CDC42BPA: variants seen among roughly 807,000 people sequenced by gnomAD.
CDC42BPA encodes CDC42 binding protein kinase alpha.
In CDC42BPA, 80 loss-of-function variants were observed where a neutral mutation model predicts 223.5. That is an observed-to-expected ratio of 0.36 (90% CI 0.30 to 0.43). The LOEUF (loss-of-function observed/expected upper bound fraction) is 0.43, where lower values mean the gene tolerates loss of function less well. Ranked by LOEUF, CDC42BPA falls within the 20% of genes least tolerant of loss-of-function variation. The pLI is 1.00. For synonymous variants in CDC42BPA, 694 were observed against 718.6 expected (o/e 0.97, Z 0.55); for missense variants, 1,743 against 2,099.9 (o/e 0.83, Z 3.32).
At chr1:227,125,804 T>C (rs775447111) in intron 11 of CDC42BPA, among the ~76,000 whole-genome samples, 2 of 151,666 alleles carry the variant, frequency 1.3e-5, no homozygotes, top group African/African-American at 2.4e-5. Flanking sequence ...AATCTGCATA[T>C]AAGTGGATCC....
At chr1:227,012,206 G>A (rs1410775851) in intron 34 of CDC42BPA, among the ~76,000 whole-genome samples, 1 of 152,114 alleles carries the variant, frequency 6.6e-6, no homozygotes, top group East Asian at 1.9e-4. Flanking sequence ...TAAAAAGCTA[G>A]GAGAAATGTA....
intron 5 of CDC42BPA, among the ~76,000 whole-genome samples, chr1:227,177,366 A>C (rs1424051706): frequency 2.0e-5 from 3 of 152,102 alleles, no homozygotes; most frequent in African/African-American, 7.2e-5. Flanking sequence ...AAATATCCCC[A>C]GATACAGAAT....
intron 34 of CDC42BPA, 44 bp downstream of exon 34, chr1:227,016,036 C>T (rs540661210): frequency 1.1e-5 from 11 of 991,722 alleles, no homozygotes; most frequent in South Asian, 1.0e-4. Flanking sequence ...TTTATACTCC[C>T]CCCACACCCG....
At chr1:227,058,006 A>C (rs1368588719) in intron 21 of CDC42BPA, among the ~76,000 whole-genome samples, 1 of 152,214 alleles carries the variant, frequency 6.6e-6, no homozygotes, top group African/African-American at 2.4e-5. Flanking sequence ...ATTTGACCCT[A>C]ATATAACTGG....
intron 1 of CDC42BPA, among the ~76,000 whole-genome samples, chr1:227,279,112 G>A (rs1288337318): frequency 6.6e-6 from 1 of 151,788 alleles, no homozygotes; most frequent in Non-Finnish European, 1.5e-5. Context: ...AGACAGATCC[G>A]TAGTTCTCTC....
intron 32 of CDC42BPA, among the ~76,000 whole-genome samples, chr1:227,020,069 T>C (rs971779888): frequency 1.9e-4 from 29 of 152,182 alleles, no homozygotes; most frequent in African/African-American, 6.8e-4. Context: ...GCTAATTTTG[T>C]ATTTTTAATA....
At chr1:227,123,288 T>A (rs1435662168) in intron 11 of CDC42BPA, among the ~76,000 whole-genome samples, 2 of 152,172 alleles carry the variant, frequency 1.3e-5, no homozygotes, top group African/African-American at 2.4e-5. Context: ...GGTGACAGAA[T>A]GAGACTCTGT....
chr1:227,207,779 G>A (rs1673069188), intron 3 of CDC42BPA, among the ~76,000 whole-genome samples: 1 of 139,380 alleles, frequency 7.2e-6, no homozygotes, highest in South Asian at 2.5e-4. Context: ...TGGACATCTG[G>A]GTTGGTTCCA....
intron 21 of CDC42BPA, chr1:227,059,321 G>C (rs1675295231): frequency 1.4e-6 from 2 of 1,469,736 alleles, no homozygotes; most frequent in Admixed American, 3.9e-5. Flanking sequence ...AAAAGGATGA[G>C]AGAGGGGTAA....
At chr1:227,136,443 G>C (rs184708985) in intron 10 of CDC42BPA, among the ~76,000 whole-genome samples, 1 of 152,298 alleles carries the variant, frequency 6.6e-6, no homozygotes, top group East Asian at 1.9e-4. Flanking sequence ...AGAAGGAGAG[G>C]AGAAAGTGCA....
chr1:227,054,444 T>C (rs1041173866), intron 21 of CDC42BPA, among the ~76,000 whole-genome samples: 5 of 152,152 alleles, frequency 3.3e-5, no homozygotes, highest in African/African-American at 9.6e-5. Context: ...TGTCAGTATA[T>C]GGACTAATGG....
In CDC42BPA at chr1:227,258,209, A is replaced by G. The variant is rs1231718119; in HGVS notation, c.179-4054T>C. ...AAAAAAAAAAAGAACTGAAAATGGG[A>G]GCCTGACTATCCCCCCAAATAATTG... On this transcript the variant is annotated intron_variant, in intron 1 of 36. Coordinates refer to ENST00000366766, the MANE Select transcript of CDC42BPA (RefSeq NM_001394014.1). Among the ~76,000 whole-genome samples, 3 of 148,182 alleles carry G rather than the reference A, an allele frequency of 2.0e-5. 1 individual carries two copies. The highest frequency in any genetic ancestry group is 7.7e-5 in the African/African-American group (3 of 39,002).
At chr1:227,292,264 A>G (rs1269885831) in intron 1 of CDC42BPA, among the ~76,000 whole-genome samples, 3 of 152,220 alleles carry the variant, frequency 2.0e-5, no homozygotes, top group Non-Finnish European at 4.4e-5. Flanking sequence ...TACAGGCGTG[A>G]GCCACCAAGC....
At chr1:227,040,282 T>C (rs756440969) in intron 23 of CDC42BPA, 46 bp from the exon 24 acceptor site, 34 of 1,231,582 alleles carry the variant, frequency 2.8e-5, no homozygotes, top group Admixed American at 1.7e-5. Context: ...TTTAAAAGAT[T>C]TCCATAATGT....
intron 17 of CDC42BPA, among the ~76,000 whole-genome samples, chr1:227,077,484 C>T (rs1679736248): frequency 6.6e-6 from 1 of 152,062 alleles, no homozygotes; most frequent in Non-Finnish European, 1.5e-5. Context: ...TTATTAAACC[C>T]TTCTCCTGGT....
At chr1:227,126,446 GA>G (rs1227994798) in intron 11 of CDC42BPA, among the ~76,000 whole-genome samples, 2 of 145,664 alleles carry the variant, frequency 1.4e-5, no homozygotes, top group Non-Finnish European at 3.0e-5. Flanking sequence ...CGTTGACAGA[GA>G]AAACAGGCAG....
rs1390614583 is a variant in CDC42BPA, at chr1:226,990,354, G to C, written c.*3914C>G. 1.3e-5 allele frequency: 2 copies of C among 152,212 alleles called. No individual in the cohort carries two copies. The highest frequency in any genetic ancestry group is 2.9e-5 in the Non-Finnish European group (2 of 68,046). The allele number at this position is 152,212 out of a possible 1,614,324, so 9.4% of individuals were successfully genotyped here. On this transcript the variant is annotated 3_prime_UTR_variant, in exon 37 of 37. Transcript: ENST00000366766. ...GCGTGCTGCCAGTGCTGGGGGGCAG[G>C]GCTTACACTCCTTATCTAGCAGAAG...
chr1:227,166,648 A>T (rs1665085531), intron 5 of CDC42BPA, among the ~76,000 whole-genome samples: 1 of 152,196 alleles, frequency 6.6e-6, no homozygotes, highest in African/African-American at 2.4e-5. Flanking sequence ...GCAAAGTATG[A>T]TGTGAACTAA....
At position 227,040,202 on chromosome 1, in the gene CDC42BPA, G is replaced by A. The variant is rs202057695; in HGVS notation, c.3128C>T (p.Thr1043Ile). ...KTHQFFVKSF[T>I]TPTKCHQCTS... is the part of the protein sequence containing the mutation. ...ACACTGATGACACTTGGTAGGAGTA[G>A]TAAAAGATTTTACAAAAAACTGGTG... is the stretch of plus-strand genomic sequence containing the variant. The change falls in exon 24 of 37, where the codon ACT (threonine) becomes ATT (isoleucine). Residue 1043 changes from threonine to isoleucine, a missense_variant. By Grantham distance (89) the Thr-to-Ile change is moderately conservative. This residue lies in a region of CDC42BPA where 678 missense variants were observed against 777.5 expected (regional missense o/e 0.87). Transcript: ENST00000366766. 2.5e-6 allele frequency: 4 copies of A among 1,612,860 alleles called. No individual in the cohort carries two copies. Among genetic ancestry groups the A allele is most frequent in the South Asian group, 1.1e-5 (1 of 91,054 alleles).
Sources: gnomAD v4.1 joint callset for allele counts (sites outside exome capture counted in the v4.1 genomes callset) on GRCh38, gnomAD v4.1.1 for gene constraint, gnomAD v4.1.1 regional missense constraint, MANE v1.5 for transcripts, NCBI Gene and HGNC (gene_info 2026-07-23, HGNC 2026-07-21) for gene names.